MUSK: variants seen among roughly 807,000 people sequenced by gnomAD.
The protein encoded by MUSK is muscle, skeletal receptor tyrosine-protein kinase.
MUSK carries 55 observed loss-of-function variants against 88.7 expected under a neutral mutation model. That is an observed-to-expected ratio of 0.62 (90% CI 0.50 to 0.78). The LOEUF is 0.78. Ranked by LOEUF, MUSK falls within the 30% of genes least tolerant of loss-of-function variation. The pLI is 0.00. For synonymous variants in MUSK, 387 were observed against 391.9 expected, an observed-to-expected ratio of 0.99 and a Z score of 0.15; for missense variants, 1,015 against 1,074.3, an observed-to-expected ratio of 0.94 and a Z score of 0.77.
At chr9:110,680,649 G>A (rs963827969) in intron 1 of MUSK, among the ~76,000 whole-genome samples, 1 of 151,584 alleles carries the variant, frequency 6.6e-6, no homozygotes, top group Non-Finnish European at 1.5e-5. Context: ...GCCTCCCAAA[G>A]TGCTGGGATG....
At chr9:110,745,742 C>T (rs2077167832) in intron 6 of MUSK, among the ~76,000 whole-genome samples, 1 of 152,168 alleles carries the variant, frequency 6.6e-6, no homozygotes, top group East Asian at 1.9e-4. Context: ...GTCTAGGTTG[C>T]TCATCTGGGG....
intron 5 of MUSK, among the ~76,000 whole-genome samples, chr9:110,725,892 A>G (rs1294752013): frequency 6.6e-6 from 1 of 152,014 alleles, no homozygotes; most frequent in African/African-American, 2.4e-5. Context: ...TGGTAAAACA[A>G]TAAGTTCAGA....
At chr9:110,681,046 T>TA (rs2076110615) in intron 1 of MUSK, among the ~76,000 whole-genome samples, 1 of 24,168 alleles carries the variant, frequency 4.1e-5, no homozygotes, top group African/African-American at 3.2e-4. Context: ...TTATATAATA[T>TA]ATATTATATA....
chr9:110,704,621 C>T (rs2076572399), intron 5 of MUSK, among the ~76,000 whole-genome samples: 1 of 152,066 alleles, frequency 6.6e-6, no homozygotes, highest in South Asian at 2.1e-4. Context: ...AAGTAAAGAA[C>T]AGTATATCTT....
chr9:110,779,623 A>G (rs2077722029), intron 11 of MUSK, among the ~76,000 whole-genome samples: 1 of 152,162 alleles, frequency 6.6e-6, no homozygotes, highest in African/African-American at 2.4e-5. Flanking sequence ...TTGCAATGCA[A>G]CCATATTTTC....
At chr9:110,705,239 C>A (rs965166463) in intron 5 of MUSK, among the ~76,000 whole-genome samples, 1 of 152,120 alleles carries the variant, frequency 6.6e-6, no homozygotes, top group African/African-American at 2.4e-5. Flanking sequence ...AAGACAAACT[C>A]AGGGATGGGA....
At chr9:110,680,777 C>A (rs2076098208) in intron 1 of MUSK, among the ~76,000 whole-genome samples, 1 of 149,362 alleles carries the variant, frequency 6.7e-6, no homozygotes, top group South Asian at 2.1e-4. Context: ...AAATTATCAG[C>A]CATTTATCTC....
At chr9:110,682,068 G>C (rs1355988026) in intron 1 of MUSK, among the ~76,000 whole-genome samples, 1 of 152,090 alleles carries the variant, frequency 6.6e-6, no homozygotes, top group Non-Finnish European at 1.5e-5. Flanking sequence ...ACCCATTAAA[G>C]TGTACAATTC....
At chr9:110,694,855 GTA>G (rs2076412755) in intron 3 of MUSK, among the ~76,000 whole-genome samples, 1 of 152,182 alleles carries the variant, frequency 6.6e-6, no homozygotes, top group Non-Finnish European at 1.5e-5. Flanking sequence ...CCCCCAAATT[GTA>G]TGACAGAATT....
At chr9:110,743,536 C>G (rs541196940) in intron 6 of MUSK, among the ~76,000 whole-genome samples, 1 of 152,020 alleles carries the variant, frequency 6.6e-6, no homozygotes, top group South Asian at 2.1e-4. Flanking sequence ...ATTTCATGTC[C>G]CTCTTGCTTT....
intron 14 of MUSK, among the ~76,000 whole-genome samples, chr9:110,789,780 GA>G (rs35732450): frequency 1.4e-4 from 20 of 148,044 alleles, no homozygotes; most frequent in East Asian, 3.9e-4. Context: ...CTCCATCTGG[GA>G]AAAAAAAAAG....
rs1402812397 is a variant in MUSK, at chr9:110,701,686, T to G, written c.628+4220T>G. ...ATTTATTTTATTTTATTTTTTTTAC[T>G]TTACTTTATTTTATTTTATTTTATT... On this transcript the variant is annotated intron_variant, in intron 5 of 14. Coordinates refer to ENST00000374448, the MANE Select transcript of MUSK (RefSeq NM_005592.4). Among the ~76,000 whole-genome samples, 6 of 6,738 alleles carry G rather than the reference T, an allele frequency of 8.9e-4. 3 individuals carry two copies. Among genetic ancestry groups the G allele is most frequent in the African/African-American group, 3.8e-3 (2 of 520 alleles). The allele number at this position is 6,738 out of a possible 152,430, so 4.4% of individuals were successfully genotyped here.
In MUSK at chr9:110,701,680, TTTTACTTTAC is replaced by T. The variant is rs755152064; in HGVS notation, c.628+4219_628+4228del. ...TATTTTATTTATTTTATTTTATTTTTTTTACTTTACTTTATTTTATTTTATTTTATTTTAT... is the reference window on the plus strand; with the variant it reads ...TATTTTATTTATTTTATTTTATTTTTTTTATTTTATTTTATTTTATTTTAT... On this transcript the variant is annotated intron_variant, in intron 5 of 14. Coordinates refer to ENST00000374448, the MANE Select transcript of MUSK (RefSeq NM_005592.4). 4.5e-3 allele frequency among the ~76,000 whole-genome samples: 40 copies of T among 8,948 alleles called. 7 individuals are homozygous for T. The highest frequency in any genetic ancestry group is 0.014 in the African/African-American group (16 of 1,130). The allele number at this position is 8,948 out of a possible 152,430, so 5.9% of individuals were successfully genotyped here. A position where few individuals can be genotyped will look rare whatever the true frequency, so the allele number is the denominator to read the frequency against.
At chr9:110,741,352 A>G (rs2077095241) in intron 6 of MUSK, among the ~76,000 whole-genome samples, 1 of 152,168 alleles carries the variant, frequency 6.6e-6, no homozygotes, top group African/African-American at 2.4e-5. Context: ...TTTGCTCTAT[A>G]CTTGTACCTG....
intron 6 of MUSK, among the ~76,000 whole-genome samples, chr9:110,735,892 A>C (rs1267294344): frequency 1.3e-5 from 2 of 152,172 alleles, no homozygotes; most frequent in Non-Finnish European, 2.9e-5. Context: ...TCACTCACTC[A>C]CTATCATGAG....
intron 6 of MUSK, among the ~76,000 whole-genome samples, chr9:110,741,352 A>T (rs2077095241): frequency 6.6e-6 from 1 of 152,168 alleles, no homozygotes; most frequent in Non-Finnish European, 1.5e-5. Context: ...TTTGCTCTAT[A>T]CTTGTACCTG....
At chr9:110,776,516 A>C in intron 10 of MUSK, 116 bp from the exon 11 acceptor site, 1 of 814,460 alleles carries the variant, frequency 1.2e-6, no homozygotes, top group Admixed American at 2.2e-5. Flanking sequence ...AATGTTTTCC[A>C]GTTGTATATT....
chr9:110,787,237 C>CT (rs1344440066), intron 13 of MUSK, among the ~76,000 whole-genome samples: 1 of 151,594 alleles, frequency 6.6e-6, no homozygotes, highest in Admixed American at 6.6e-5. Flanking sequence ...TGGCGGGTGC[C>CT]TGTAGACCCA....
chr9:110,724,727 T>C (rs983260514), intron 5 of MUSK, among the ~76,000 whole-genome samples: 1 of 151,984 alleles, frequency 6.6e-6, no homozygotes, highest in Non-Finnish European at 1.5e-5. Context: ...TCTTTTTAGG[T>C]AGCAAAAAAT....
Sources: allele counts gnomAD v4.1 joint callset (sites outside exome capture counted in the v4.1 genomes callset), GRCh38; gene constraint gnomAD v4.1.1; transcripts MANE v1.5; gene names NCBI Gene and HGNC (gene_info 2026-07-23, HGNC 2026-07-21).